PRKCE: variants seen among roughly 807,000 people sequenced by gnomAD.
PRKCE encodes protein kinase C epsilon.
In PRKCE, 16 loss-of-function variants were observed where a neutral mutation model predicts 85.4. The observed-to-expected ratio is 0.19, with a 90% confidence interval of 0.13 to 0.28. The LOEUF (loss-of-function observed/expected upper bound fraction) is 0.28. Among genes scored for constraint, PRKCE ranks in the 10% least tolerant of loss-of-function variants. The pLI is 1.00. For missense variants in PRKCE, 573 were observed against 975.2 expected (o/e 0.59, Z 5.49); for synonymous variants, 388 against 371.5 (o/e 1.04, Z -0.51).
intron 1 of PRKCE, among the ~76,000 whole-genome samples, chr2:45,762,376 T>G (rs1267708035): frequency 6.6e-6 from 1 of 152,256 alleles, no homozygotes; most frequent in African/African-American, 2.4e-5. Context: ...CCTTTTTCCC[T>G]GATCAGTCTT....
At chr2:46,163,272 A>T (rs139068155) in intron 14 of PRKCE, among the ~76,000 whole-genome samples, 189 of 152,172 alleles carry the variant, frequency 1.2e-3, no homozygotes, top group Non-Finnish European at 2.1e-3. Context: ...GACACAGGGA[A>T]GCTGAGGTGC....
intron 2 of PRKCE, 32 bp downstream of exon 2, chr2:45,843,095 C>T (rs767160738): frequency 6.3e-7 from 1 of 1,596,798 alleles, no homozygotes; most frequent in Non-Finnish European, 8.6e-7. Context: ...TCCCTGTTTT[C>T]TTCCATTGGC....
intron 1 of PRKCE, among the ~76,000 whole-genome samples, chr2:45,745,004 T>C (rs1683025288): frequency 6.6e-6 from 1 of 152,216 alleles, no homozygotes; most frequent in Non-Finnish European, 1.5e-5. Context: ...ATGACTCTGA[T>C]ATGCCCTCTG....
chr2:45,725,501 A>T (rs1190532206), intron 1 of PRKCE, among the ~76,000 whole-genome samples: 3 of 152,118 alleles, frequency 2.0e-5, no homozygotes. Context: ...TCTCTGATGG[A>T]TTGGGGCAAA....
chr2:45,925,353 A>T (rs2103978932), intron 2 of PRKCE, among the ~76,000 whole-genome samples: 1 of 152,086 alleles, frequency 6.6e-6, no homozygotes, highest in Non-Finnish European at 1.5e-5. Flanking sequence ...ATGGATTGCG[A>T]TGGCATGATC....
chr2:45,806,525 T>C (rs4953259), intron 1 of PRKCE, among the ~76,000 whole-genome samples: 129,423 of 152,292 alleles, frequency 0.85, 55,410 homozygotes, highest in African/African-American at 0.95. Flanking sequence ...CACCACCATC[T>C]ATCCACAAAA....
intron 14 of PRKCE, among the ~76,000 whole-genome samples, chr2:46,175,984 T>A (rs1213522832): frequency 6.6e-6 from 1 of 152,240 alleles, no homozygotes; most frequent in East Asian, 1.9e-4. Flanking sequence ...CTTTAAAAAC[T>A]CACCGTCTGG....
At chr2:45,844,148 T>C (rs1157298250) in intron 2 of PRKCE, among the ~76,000 whole-genome samples, 1 of 152,232 alleles carries the variant, frequency 6.6e-6, no homozygotes, top group African/African-American at 2.4e-5. Context: ...TGGTGCCTGA[T>C]GATTTCCATT....
intron 2 of PRKCE, among the ~76,000 whole-genome samples, chr2:45,847,797 C>A (rs944145804): frequency 1.3e-5 from 2 of 152,190 alleles, no homozygotes; most frequent in Non-Finnish European, 2.9e-5. Context: ...AAATATAAAG[C>A]CAAAGTTCTT....
intron 11 of PRKCE, among the ~76,000 whole-genome samples, chr2:46,128,304 T>C (rs1455675882): frequency 6.6e-6 from 1 of 152,202 alleles, no homozygotes; most frequent in Non-Finnish European, 1.5e-5. Flanking sequence ...GGTAATGAAC[T>C]CATGGTTTAA....
intron 11 of PRKCE, among the ~76,000 whole-genome samples, chr2:46,142,384 G>A (rs975387844): frequency 6.6e-6 from 1 of 152,158 alleles, no homozygotes; most frequent in African/African-American, 2.4e-5. Flanking sequence ...GAAGTCTTTG[G>A]ACCCACTCTT....
chr2:45,719,679 G>A lies in PRKCE; in HGVS notation c.348+67231G>A, dbSNP rs151216642. ...TAGCCGTAAAACACACATGGCATTT[G>A]GATATGGCTTGGAAGAAATTTTCTC... On this transcript the variant is annotated intron_variant, in intron 1 of 14. Transcript: ENST00000306156. Among the ~76,000 whole-genome samples the A allele has an allele frequency of 1.8e-3, 267 of 152,290 alleles. 2 individuals are homozygous for A. The highest frequency in any genetic ancestry group is 6.3e-3 in the African/African-American group (262 of 41,566).
chr2:46,010,247 A>C, intron 9 of PRKCE, 97 bp from the exon 10 acceptor site: 1 of 1,330,586 alleles, frequency 7.5e-7, no homozygotes. Flanking sequence ...ATTAAAGAAA[A>C]AACAGAATTC....
At chr2:46,034,382 C>T (rs960823648) in intron 10 of PRKCE, among the ~76,000 whole-genome samples, 1 of 152,216 alleles carries the variant, frequency 6.6e-6, no homozygotes, top group Non-Finnish European at 1.5e-5. Context: ...GATTAGGGCT[C>T]TTCCCCCTAC....
At chr2:46,111,433 C>A (rs913798338) in intron 11 of PRKCE, among the ~76,000 whole-genome samples, 1 of 152,158 alleles carries the variant, frequency 6.6e-6, no homozygotes, top group Non-Finnish European at 1.5e-5. Flanking sequence ...CCACAATCAA[C>A]TTTAGAAAAC....
rs577622031 is a variant in PRKCE at position 46,046,357 on chromosome 2, A to G, written c.1437+35840A>G. Among the ~76,000 whole-genome samples, 10 of 152,296 alleles carry G rather than the reference A, an allele frequency of 6.6e-5. No individual in the cohort carries two copies. In the South Asian group the frequency reaches 1.2e-3, roughly 19 times the overall value. The stretch of plus-strand genomic sequence containing the variant: ...CTAGGGCTAGAGATCATTTCCCCCA[A>G]CAATATGCAGTGACACCTAGCTCCA... On this transcript the variant is annotated intron_variant, in intron 10 of 14. Coordinates refer to ENST00000306156, the MANE Select transcript of PRKCE (RefSeq NM_005400.3).
rs147936631 is a variant in PRKCE at position 45,819,523 on chromosome 2, G to C, written c.349-23477G>C. Among the ~76,000 whole-genome samples, 475 of 152,326 alleles carry C rather than the reference G, an allele frequency of 3.1e-3. 6 individuals are homozygous for C. The highest frequency in any genetic ancestry group is 0.011 in the African/African-American group (447 of 41,570). Reference sequence around the variant, plus strand: ...CAAGGCTCAAGGCTGTGGTTTCAGGGATGATTCTCTTCCACCTTGCTCCCT... The same window carrying C: ...CAAGGCTCAAGGCTGTGGTTTCAGGCATGATTCTCTTCCACCTTGCTCCCT... On this transcript the variant is annotated intron_variant, in intron 1 of 14. Coordinates refer to ENST00000306156, the MANE Select transcript of PRKCE (RefSeq NM_005400.3).
intron 1 of PRKCE, among the ~76,000 whole-genome samples, chr2:45,694,445 C>T (rs988229661): frequency 5.3e-5 from 8 of 152,080 alleles, no homozygotes; most frequent in African/African-American, 1.9e-4. Flanking sequence ...TATTGGGTGC[C>T]AAAGGTTTCA....
intron 10 of PRKCE, among the ~76,000 whole-genome samples, chr2:46,015,431 G>T (rs1417877480): frequency 1.3e-5 from 2 of 152,014 alleles, no homozygotes; most frequent in Non-Finnish European, 2.9e-5. Flanking sequence ...TTCCTGCCAG[G>T]CCTGGGAAGC....
Sources: gnomAD v4.1 joint callset for allele counts (sites outside exome capture counted in the v4.1 genomes callset) on GRCh38, gnomAD v4.1.1 for gene constraint, MANE v1.5 for transcripts, NCBI Gene and HGNC (gene_info 2026-07-23, HGNC 2026-07-21) for gene names.